The following XPR1 variants were observed in gnomAD, a reference collection of about 807,000 sequenced individuals.
The protein encoded by XPR1 is solute carrier family 53 member 1.
A neutral mutation model predicts 87.5 loss-of-function variants in XPR1; 28 were observed. That is an observed-to-expected ratio of 0.32 (90% confidence interval 0.24 to 0.44). The LOEUF is 0.44. Ranked by LOEUF, XPR1 falls within the 20% of genes least tolerant of loss-of-function variation. XPR1 has a pLI of 1.00. For missense variants in XPR1, 559 were observed against 862.3 expected (o/e 0.65, Z 4.41); for synonymous variants, 300 against 306.1 (o/e 0.98, Z 0.21).
intron 2 of XPR1, among the ~76,000 whole-genome samples, chr1:180,690,479 T>C (rs1453718852): frequency 6.6e-6 from 1 of 152,102 alleles, no homozygotes; most frequent in African/African-American, 2.4e-5. Flanking sequence ...AAAAATGTAT[T>C]ACTATGAACT....
At chr1:180,785,663 T>C (rs1370387329) in intron 2 of XPR1, among the ~76,000 whole-genome samples, 1 of 151,980 alleles carries the variant, frequency 6.6e-6, no homozygotes, top group African/African-American at 2.4e-5. Flanking sequence ...AAAAATTATT[T>C]TAGAAGAGAA....
chr1:180,726,444 T>G (rs556217533), intron 2 of XPR1, among the ~76,000 whole-genome samples: 4 of 152,294 alleles, frequency 2.6e-5, no homozygotes, highest in Admixed American at 1.3e-4. Flanking sequence ...GGTCTGCGGC[T>G]TCATTCTTGG....
chr1:180,857,179 G>A (rs1262194498), intron 11 of XPR1, among the ~76,000 whole-genome samples: 1 of 151,302 alleles, frequency 6.6e-6, no homozygotes, highest in Non-Finnish European at 1.5e-5. Flanking sequence ...ACATGAAAAT[G>A]TGGCTGGTTC....
chr1:180,784,159 T>C (rs1649048190), intron 2 of XPR1, among the ~76,000 whole-genome samples: 2 of 152,098 alleles, frequency 1.3e-5, no homozygotes, highest in Admixed American at 6.6e-5. Flanking sequence ...CTGAAAATTT[T>C]AATAGCTATT....
chr1:180,831,480 G>T (rs569932689), intron 9 of XPR1, among the ~76,000 whole-genome samples: 6 of 150,230 alleles, frequency 4.0e-5, no homozygotes, highest in African/African-American at 1.5e-4. Context: ...ATGTGCCATG[G>T]TGGTTTGCAG....
intron 2 of XPR1, among the ~76,000 whole-genome samples, chr1:180,748,476 T>A (rs1647374942): frequency 7.9e-6 from 1 of 126,872 alleles, no homozygotes; most frequent in Admixed American, 9.6e-5. Flanking sequence ...TGGAGTGCAA[T>A]GGCGCCATCT....
intron 3 of XPR1, among the ~76,000 whole-genome samples, chr1:180,796,498 C>CACCTGAAATGTTGATTT (rs1470344594): frequency 6.6e-6 from 1 of 152,088 alleles, no homozygotes; most frequent in Non-Finnish European, 1.5e-5. Flanking sequence ...TAGCAAAATA[C>CACCTGAAATGTTGATTT]ACCTGAAATG....
intron 2 of XPR1, among the ~76,000 whole-genome samples, chr1:180,740,175 A>G (rs1658869280): frequency 6.6e-6 from 1 of 151,972 alleles, no homozygotes. Flanking sequence ...TTTGTCTTAT[A>G]TTATTGCACT....
At chr1:180,842,685 C>T (rs1651557633) in intron 11 of XPR1, among the ~76,000 whole-genome samples, 1 of 151,964 alleles carries the variant, frequency 6.6e-6, no homozygotes. Flanking sequence ...TTGGCTTTGG[C>T]AAAGAAAAGC....
At chr1:180,639,668 C>T (rs1246696157) in intron 1 of XPR1, among the ~76,000 whole-genome samples, 3 of 152,040 alleles carry the variant, frequency 2.0e-5, no homozygotes, top group Non-Finnish European at 4.4e-5. Context: ...AATCCATGTG[C>T]TTTGTGGGCT....
intron 1 of XPR1, among the ~76,000 whole-genome samples, chr1:180,654,500 C>G (rs1655387290): frequency 6.6e-6 from 1 of 152,076 alleles, no homozygotes; most frequent in Non-Finnish European, 1.5e-5. Context: ...GCAACCGTCT[C>G]TACCATCCAT....
chr1:180,786,696 T>C (rs1447173384), intron 2 of XPR1, among the ~76,000 whole-genome samples: 17 of 152,156 alleles, frequency 1.1e-4, no homozygotes, highest in Non-Finnish European at 2.9e-5. Context: ...AATATCTGGA[T>C]TTATAGCTTC....
chr1:180,879,369 C>T (rs74358219), intron 13 of XPR1, among the ~76,000 whole-genome samples: 4,765 of 152,230 alleles, frequency 0.031, 114 homozygotes, highest in African/African-American at 0.062. Flanking sequence ...CATTGTTCTC[C>T]ATTAGACCTA....
At chr1:180,636,420 G>A (rs1654760401) in intron 1 of XPR1, among the ~76,000 whole-genome samples, 1 of 152,252 alleles carries the variant, frequency 6.6e-6, no homozygotes, top group Non-Finnish European at 1.5e-5. Flanking sequence ...TCTTAAGTGA[G>A]TGAATGAATG....
At chr1:180,675,625 C>T (rs563513728) in intron 1 of XPR1, among the ~76,000 whole-genome samples, 2 of 152,234 alleles carry the variant, frequency 1.3e-5, no homozygotes, top group African/African-American at 2.4e-5. Context: ...AAAGAACTCA[C>T]GTAATGCATA....
intron 1 of XPR1, among the ~76,000 whole-genome samples, chr1:180,639,748 A>C (rs1654907487): frequency 6.6e-6 from 1 of 152,164 alleles, no homozygotes; most frequent in African/African-American, 2.4e-5. Context: ...CTTAACAGTT[A>C]TTGAGGATTC....
chr1:180,854,099 A>G (rs911946168), intron 11 of XPR1, among the ~76,000 whole-genome samples: 1 of 152,208 alleles, frequency 6.6e-6, no homozygotes, highest in East Asian at 1.9e-4. Context: ...GTTTTGCTTT[A>G]TCTATTTTTA....
At chr1:180,791,400 T>A (rs1287223062) in intron 3 of XPR1, among the ~76,000 whole-genome samples, 1 of 152,220 alleles carries the variant, frequency 6.6e-6, no homozygotes, top group Non-Finnish European at 1.5e-5. Flanking sequence ...GCCTCCAGCA[T>A]AGCTGGTACT....
chr1:180,804,420 T>C (rs1649913209), intron 4 of XPR1, among the ~76,000 whole-genome samples: 1 of 152,232 alleles, frequency 6.6e-6, no homozygotes, highest in South Asian at 2.1e-4. Flanking sequence ...AATTTTACTG[T>C]CCATGGGCTG....
Sources: gnomAD v4.1 joint callset for allele counts (sites outside exome capture counted in the v4.1 genomes callset) on GRCh38, gnomAD v4.1.1 for gene constraint, MANE v1.5 for transcripts, NCBI Gene and HGNC (gene_info 2026-07-23, HGNC 2026-07-21) for gene names.